TRIP12: variants seen among roughly 807,000 people sequenced by gnomAD.
The protein encoded by TRIP12 is E3 ubiquitin-protein ligase TRIP12.
In TRIP12, 25 loss-of-function variants were observed where a neutral mutation model predicts 244.2. The observed-to-expected ratio is 0.10, with a 90% CI of 0.07 to 0.14. The LOEUF is 0.14. Ranked by LOEUF, TRIP12 falls within the 10% of genes least tolerant of loss-of-function variation. The probability of loss-of-function intolerance (pLI) is 1.00; values close to 1 mark genes in which losing one functional copy is unlikely to be tolerated. For missense variants in TRIP12, 1,677 were observed against 2,486.4 expected, an observed-to-expected ratio of 0.67 and a Z score of 6.92; for synonymous variants, 905 against 873.1, an observed-to-expected ratio of 1.04 and a Z score of -0.64.
chr2:229,820,286 T>TA (rs1400147499), intron 8 of TRIP12, among the ~76,000 whole-genome samples: 1 of 152,042 alleles, frequency 6.6e-6, no homozygotes, highest in Non-Finnish European at 1.5e-5. Flanking sequence ...ACATGGATCT[T>TA]ATACAGCATA....
rs760076225 is a variant in TRIP12 at position 229,802,328 on chromosome 2, T to G, written c.3130A>C (p.Thr1044Pro). The change falls in exon 21 of 42, where the codon ACT becomes CCT. Residue 1044 changes from threonine (T) to proline (P), a missense_variant. Around this residue, in one of 11 missense-constraint regions of TRIP12, gnomAD observed 572 missense variants for 867.8 expected, o/e 0.66. Coordinates refer to ENST00000675903, the MANE Select transcript of TRIP12 (RefSeq NM_001348323.3). ...GATCCCAAGTCAGCTGCAGCATGAG[T>G]GGCAGCTGTGGCTGTCCCACTGCTG... Reference protein sequence around the residue: ...SVSSGTATAATHAAADLGSPS... With the variant: ...SVSSGTATAAPHAAADLGSPS... 1.9e-6 allele frequency: 3 copies of G among 1,613,186 alleles called. No individual in the cohort carries two copies. The highest frequency in any genetic ancestry group is 4.5e-5 in the East Asian group (2 of 44,882).
chr2:229,798,744 C>A, intron 23 of TRIP12, 131 bp downstream of exon 23: 2 of 1,013,880 alleles, frequency 2.0e-6, no homozygotes, highest in South Asian at 3.4e-5. Context: ...AATTCTTGAA[C>A]TATGCTTTTA....
At chr2:229,777,292 T>G (rs1393520981) in intron 37 of TRIP12, 23 bp downstream of exon 37, 1 of 1,607,230 alleles carries the variant, frequency 6.2e-7, no homozygotes, top group South Asian at 1.1e-5. Flanking sequence ...CTTGATCTAC[T>G]GGACTGTTTC....
intron 34 of TRIP12, among the ~76,000 whole-genome samples, chr2:229,781,348 C>T (rs2038098235): frequency 6.6e-6 from 1 of 152,220 alleles, no homozygotes; most frequent in South Asian, 2.1e-4. Flanking sequence ...CTTTTTCTCT[C>T]AAAACTAACA....
Position 229,813,933 on chromosome 2 carries a change from C to G in TRIP12, c.1923G>C (p.Thr641=), listed in dbSNP as rs747345349. ...AIAANCCQSI[T]PDEFHFVADS... ...CTGCCACAAAATGAAATTCATCTGGCGTGATACTCTGGCAGCAATTAGCTG... is the reference window on the plus strand; with the variant it reads ...CTGCCACAAAATGAAATTCATCTGGGGTGATACTCTGGCAGCAATTAGCTG... The change falls in exon 13 of 42, where the codon ACG becomes ACC. Residue 641 remains threonine (T), a synonymous_variant. Coordinates refer to ENST00000675903, the MANE Select transcript of TRIP12 (RefSeq NM_001348323.3). 6.3e-7 allele frequency: 1 copy of G among 1,598,112 alleles called. No homozygotes were observed. Among genetic ancestry groups the G allele is most frequent in the Non-Finnish European group, 8.6e-7 (1 of 1,167,946 alleles).
rs576047267 is a variant in TRIP12, at chr2:229,863,405, T to C, written c.99-2874A>G. Among the ~76,000 whole-genome samples, 3 of 152,302 alleles carry C rather than the reference T, an allele frequency of 2.0e-5. No homozygotes were observed. In the East Asian group the frequency reaches 5.8e-4, roughly 29 times the overall value. ...TATCTGTTTAGCCCATGGGACTTAA[T>C]ACATTTTCCATAAAGGAGAGTAAAT... is the stretch of plus-strand genomic sequence containing the variant. On this transcript the variant is annotated intron_variant, in intron 2 of 41. Transcript: ENST00000675903.
At chr2:229,780,792 T>A (rs1014046111) in intron 34 of TRIP12, among the ~76,000 whole-genome samples, 13 of 152,208 alleles carry the variant, frequency 8.5e-5, no homozygotes, top group Admixed American at 3.3e-4. Flanking sequence ...TATGTGTACA[T>A]GAATGTGTGT....
chr2:229,870,765 A>AT (rs1333418596), intron 2 of TRIP12, among the ~76,000 whole-genome samples: 1 of 152,098 alleles, frequency 6.6e-6, no homozygotes, highest in African/African-American at 2.4e-5. Context: ...TTATTTATTT[A>AT]TTTTTTTGCG....
intron 34 of TRIP12, among the ~76,000 whole-genome samples, chr2:229,782,224 A>G (rs2038447370): frequency 6.6e-6 from 1 of 152,026 alleles, no homozygotes; most frequent in Non-Finnish European, 1.5e-5. Flanking sequence ...ATCAAGCTAG[A>G]TTCAAAAAAT....
At chr2:229,865,194 C>T (rs531153972) in intron 2 of TRIP12, among the ~76,000 whole-genome samples, 85 of 151,932 alleles carry the variant, frequency 5.6e-4, no homozygotes, top group Non-Finnish European at 9.6e-4. Flanking sequence ...CACCTGTATT[C>T]CTAGCTACTC....
intron 20 of TRIP12, 36 bp downstream of exon 20, chr2:229,803,531 ACTAT>A (rs1559510115): frequency 7.8e-7 from 1 of 1,282,488 alleles, no homozygotes; most frequent in Admixed American, 2.0e-5. Flanking sequence ...CTGTTGAAGT[ACTAT>A]CTAGACTAAA....
rs2048179403 is a variant in TRIP12 at position 229,815,122 on chromosome 2, C to T, written c.1708G>A (p.Ala570Thr). 1 of 1,612,100 alleles carries T rather than the reference C, an allele frequency of 6.2e-7. No individual in the cohort carries two copies. The highest frequency in any genetic ancestry group is 1.7e-5 in the Admixed American group (1 of 59,716). Residue 570 changes from alanine to threonine, a missense_variant, in exon 11 of 42, where the codon GCT becomes ACT. By Grantham distance (58) the Ala-to-Thr change is moderately conservative. This residue lies in a region of TRIP12 where 572 missense variants were observed against 867.8 expected (regional missense o/e 0.66). Transcript: ENST00000675903. ...ACCTTTTCTAAAAAGACAGGAATAGCATCTACTACAACAGCAGAAGATCGA... is the reference window on the plus strand; with the variant it reads ...ACCTTTTCTAAAAAGACAGGAATAGTATCTACTACAACAGCAGAAGATCGA... The part of the protein sequence containing the change: ...LPRSSAVVVD[A>T]IPVFLEKLQV...
At chr2:229,803,900 T>A in intron 19 of TRIP12, 99 bp downstream of exon 19, 1 of 1,126,770 alleles carries the variant, frequency 8.9e-7, no homozygotes, top group South Asian at 1.7e-5. Flanking sequence ...TCCTAACAAA[T>A]TTTTGTGCAT....
intron 4 of TRIP12, among the ~76,000 whole-genome samples, chr2:229,845,368 T>G (rs889945895): frequency 6.6e-6 from 1 of 152,204 alleles, no homozygotes; most frequent in Non-Finnish European, 1.5e-5. Flanking sequence ...TGGAACAAAT[T>G]TGACTGGCAA....
At chr2:229,837,237 G>A (rs143475301) in intron 5 of TRIP12, among the ~76,000 whole-genome samples, 2 of 152,134 alleles carry the variant, frequency 1.3e-5, no homozygotes, top group Non-Finnish European at 2.9e-5. Context: ...AAACAGAAAC[G>A]ATTTTTAAAA....
intron 6 of TRIP12, 39 bp downstream of exon 6, chr2:229,836,809 G>C (rs1170964556): frequency 1.1e-5 from 18 of 1,570,034 alleles, no homozygotes; most frequent in Middle Eastern, 1.7e-4. Flanking sequence ...ATCTGTAAAA[G>C]ACAGAAACGC....
chr2:229,840,757 A>T, intron 5 of TRIP12, 65 bp downstream of exon 5: 1 of 1,123,606 alleles, frequency 8.9e-7, no homozygotes, highest in Non-Finnish European at 1.3e-6. Flanking sequence ...AAGTATTTTG[A>T]TGAAAGTTGA....
Position 229,778,412 on chromosome 2 carries a change from A to C in TRIP12, c.5364+21T>G. ...AACATTCTACACCAAAACTGCAAAAAGCAAACCATCCTAAACTTACCAATC... is the reference window on the plus strand; with the variant it reads ...AACATTCTACACCAAAACTGCAAAACGCAAACCATCCTAAACTTACCAATC... On this transcript the variant is annotated intron_variant, in intron 36 of 41. Transcript: ENST00000675903. This position sits in a 1 kb window ranked among gnomAD's most constrained non-coding sequence, Gnocchi z 4.1. The C allele has an allele frequency of 6.2e-7, 1 of 1,613,362 alleles. No homozygotes were observed. Among genetic ancestry groups the C allele is most frequent in the Non-Finnish European group, 8.5e-7 (1 of 1,179,424 alleles).
chr2:229,833,506 C>T (rs1195455093), intron 6 of TRIP12, among the ~76,000 whole-genome samples: 1 of 152,120 alleles, frequency 6.6e-6, no homozygotes, highest in African/African-American at 2.4e-5. Context: ...CCAGGCTGAT[C>T]TCAGACTCCT....
Sources: allele counts gnomAD v4.1 joint callset (sites outside exome capture counted in the v4.1 genomes callset), GRCh38; gene constraint gnomAD v4.1.1; regional missense constraint gnomAD v4.1.1; non-coding constraint Gnocchi (gnomAD v3.1); transcripts MANE v1.5; gene names NCBI Gene and HGNC (gene_info 2026-07-23, HGNC 2026-07-21).